The following NEMP2 variants were observed in gnomAD, a reference collection of about 807,000 sequenced individuals.
The protein encoded by NEMP2 is UPF0571 transmembrane protein.
Under a neutral mutation model 54.2 loss-of-function variants are expected in NEMP2, and 53 were observed. The ratio of observed to expected loss-of-function variants is 0.98; its 90% CI spans 0.78 to 1.23. NEMP2 has a LOEUF of 1.23. NEMP2 is among the 50% of genes most tolerant of loss of function. The probability of loss-of-function intolerance (pLI) is 0.00; values close to 1 mark genes in which losing one functional copy is unlikely to be tolerated. For missense variants in NEMP2, 455 were observed against 511.3 expected (o/e 0.89, Z 1.06); for synonymous variants, 197 against 190.3 (o/e 1.04, Z -0.29).
At chr2:190,648,516 GT>G in the NEMP2 span, 41 of 123,912 alleles carry the variant, frequency 3.3e-4, no homozygotes, top group African/African-American at 9.7e-4. Context: ...GCGCGCTGTT[GT>G]TTTTTTTTTT....
chr2:190,624,640 A>G, the NEMP2 span: 11 of 152,244 alleles, frequency 7.2e-5, no homozygotes, highest in Non-Finnish European at 1.6e-4. Flanking sequence ...AAAAAATACA[A>G]TGCTTTCATT....
At chr2:190,611,895 G>C in the NEMP2 span, among the ~76,000 whole-genome samples, 4 of 152,150 alleles carry the variant, frequency 2.6e-5, no homozygotes, top group Non-Finnish European at 5.9e-5. The surrounding 1 kb of genome is among the most constrained non-coding windows in gnomAD (Gnocchi z 5.4). Context: ...CTTGGACCTA[G>C]GCAGAAATGC....
the NEMP2 span, among the ~76,000 whole-genome samples, chr2:190,441,474 G>C: frequency 6.7e-6 from 1 of 149,490 alleles, no homozygotes; most frequent in South Asian, 2.3e-4. Context: ...TACAGGAAAG[G>C]AGGAGGGGCG....
the NEMP2 span, among the ~76,000 whole-genome samples, chr2:190,573,524 G>T: frequency 1.3e-5 from 2 of 152,088 alleles, no homozygotes; most frequent in Admixed American, 1.3e-4. Context: ...CCTTTTAATA[G>T]ACTGGAAATG....
chr2:190,436,881 T>A, the NEMP2 span: 1 of 1,614,228 alleles, frequency 6.2e-7, no homozygotes, highest in Non-Finnish European at 8.5e-7. The surrounding 1 kb of genome is among the most constrained non-coding windows in gnomAD (Gnocchi z 5.3). Context: ...AACAAGAAGT[T>A]GAAGCTATAT....
chr2:190,496,115 T>A, the NEMP2 span, among the ~76,000 whole-genome samples: 1 of 151,284 alleles, frequency 6.6e-6, no homozygotes, highest in African/African-American at 2.4e-5. The surrounding 1 kb of genome is among the most constrained non-coding windows in gnomAD (Gnocchi z 4.7). Context: ...ATATCCAGAA[T>A]CTATGACGAA....
At chr2:190,499,126 C>T in the NEMP2 span, among the ~76,000 whole-genome samples, 1 of 151,968 alleles carries the variant, frequency 6.6e-6, no homozygotes. The surrounding 1 kb of genome is among the most constrained non-coding windows in gnomAD (Gnocchi z 6.0). Flanking sequence ...CCGGCCTAGG[C>T]GACAGAGTGA....
chr2:190,455,180 A>G, the NEMP2 span, among the ~76,000 whole-genome samples: 1 of 152,124 alleles, frequency 6.6e-6, no homozygotes, highest in Non-Finnish European at 1.5e-5. Context: ...TATTGGTATC[A>G]TCAAAATAGA....
At chr2:190,496,878 A>C in the NEMP2 span, among the ~76,000 whole-genome samples, 22 of 152,216 alleles carry the variant, frequency 1.4e-4, no homozygotes, top group Admixed American at 1.4e-3. The surrounding 1 kb of genome is among the most constrained non-coding windows in gnomAD (Gnocchi z 4.7). Context: ...CAAAGGCATA[A>C]GAATGATATG....
At chr2:190,502,874 A>G (rs1313562251), downstream of NEMP2, among the ~76,000 whole-genome samples, 1 of 152,308 alleles carries the variant, frequency 6.6e-6, no homozygotes, top group Admixed American at 6.5e-5. This position sits in a 1 kb window ranked among gnomAD's most constrained non-coding sequence, Gnocchi z 4.4. Flanking sequence ...ATTTTAAACA[A>G]GAGAATTCTG....
At chr2:190,499,154 A>G in the NEMP2 span, among the ~76,000 whole-genome samples, 1 of 152,084 alleles carries the variant, frequency 6.6e-6, no homozygotes, top group Non-Finnish European at 1.5e-5. The surrounding 1 kb of genome is among the most constrained non-coding windows in gnomAD (Gnocchi z 6.0). Context: ...TCTCAAAATT[A>G]TAATAACAAT....
Position 190,510,646 on chromosome 2 carries a change from CCTGGGGAGGCGGATCA to C in NEMP2, c.954-125_954-110del. ...GCCTGTAATCCAGCATTTTGGGAGGCCTGGGGAGGCGGATCACGAGGTCAGGAGATTGAGACGGTCC... is the reference window on the plus strand; with the variant it reads ...GCCTGTAATCCAGCATTTTGGGAGGCCGAGGTCAGGAGATTGAGACGGTCC... On this transcript the variant is annotated intron_variant, in intron 7 of 8. Coordinates refer to ENST00000409150, the MANE Select transcript of NEMP2 (RefSeq NM_001142645.2). The surrounding 1 kb of genome is among the most constrained non-coding windows in gnomAD (Gnocchi z 5.7). 1 of 1,125,802 alleles carries C rather than the reference CCTGGGGAGGCGGATCA, an allele frequency of 8.9e-7. No homozygotes were observed. The highest frequency in any genetic ancestry group is 1.3e-6 in the Non-Finnish European group (1 of 782,880). 69.7% of individuals were successfully genotyped at this position (1,125,802 alleles called of 1,614,324 possible).
rs1690710354 is a variant in NEMP2 at position 190,520,296 on chromosome 2, G to A, written c.214-1113C>T. ...AATTCAGGCTTCTCTCACCATGCCT[G>A]CTAAAGGACCAGATCCCAACCTCAG... On this transcript the variant is annotated intron_variant, in intron 2 of 8. Coordinates refer to ENST00000409150, the MANE Select transcript of NEMP2 (RefSeq NM_001142645.2). The surrounding 1 kb of genome is among the most constrained non-coding windows in gnomAD (Gnocchi z 5.4). Among the ~76,000 whole-genome samples, 1 of 152,186 alleles carries A rather than the reference G, an allele frequency of 6.6e-6. No homozygotes were observed. Among genetic ancestry groups the A allele is most frequent in the Non-Finnish European group, 1.5e-5 (1 of 68,036 alleles).
chr2:190,645,783 C>A, the NEMP2 span, among the ~76,000 whole-genome samples: 92 of 152,270 alleles, frequency 6.0e-4, no homozygotes, highest in Non-Finnish European at 1.5e-4. Context: ...TTGCATTCGA[C>A]GAAGTATTAC....
the NEMP2 span, chr2:190,497,897 G>T: frequency 4.5e-6 from 3 of 659,888 alleles, no homozygotes; most frequent in East Asian, 2.8e-5. This position sits in a 1 kb window ranked among gnomAD's most constrained non-coding sequence, Gnocchi z 5.2. Flanking sequence ...TGTATACAAG[G>T]TCCCATAGAG....
chr2:190,486,251 G>A, the NEMP2 span, among the ~76,000 whole-genome samples: 55 of 152,316 alleles, frequency 3.6e-4, no homozygotes, highest in Middle Eastern at 3.4e-3. Flanking sequence ...AGTGTTCCCC[G>A]CCTTGTGTGG....
chr2:190,422,856 T>G, the NEMP2 span, among the ~76,000 whole-genome samples: 1 of 152,184 alleles, frequency 6.6e-6, no homozygotes, highest in Non-Finnish European at 1.5e-5. Context: ...GGAGATGCTA[T>G]ATCTGTCTCA....
At chr2:190,457,193 T>C in the NEMP2 span, among the ~76,000 whole-genome samples, 1 of 152,164 alleles carries the variant, frequency 6.6e-6, no homozygotes, top group Non-Finnish European at 1.5e-5. The surrounding 1 kb of genome is among the most constrained non-coding windows in gnomAD (Gnocchi z 5.1). Flanking sequence ...TGAAAGAGCA[T>C]GGTCTGGCAG....
the NEMP2 span, among the ~76,000 whole-genome samples, chr2:190,579,789 G>A: frequency 6.6e-6 from 1 of 152,226 alleles, no homozygotes; most frequent in South Asian, 2.1e-4. Flanking sequence ...ACTCTTATCA[G>A]TCGTTCCTGA....
Sources: gnomAD v4.1 joint callset for allele counts (sites outside exome capture counted in the v4.1 genomes callset) on GRCh38, gnomAD v4.1.1 for gene constraint, Gnocchi (gnomAD v3.1) non-coding constraint, MANE v1.5 for transcripts, NCBI Gene and HGNC (gene_info 2026-07-23, HGNC 2026-07-21) for gene names.